STK32B: variants seen among roughly 807,000 people sequenced by gnomAD.
STK32B encodes the protein serine/threonine-protein kinase 32B.
Under a neutral mutation model 52.6 loss-of-function variants are expected in STK32B, and 43 were observed. The ratio of observed to expected loss-of-function variants is 0.82; its 90% CI spans 0.64 to 1.05. The LOEUF (loss-of-function observed/expected upper bound fraction) is 1.05. Among genes scored for constraint, STK32B ranks in the 50% least tolerant of loss-of-function variants. The probability of loss-of-function intolerance (pLI) is 0.00; values close to 1 mark genes in which losing one functional copy is unlikely to be tolerated. For synonymous variants in STK32B, 238 were observed against 204.3 expected, an observed-to-expected ratio of 1.17 and a Z score of -1.41; for missense variants, 621 against 534.6, an observed-to-expected ratio of 1.16 and a Z score of -1.59.
intron 4 of STK32B, among the ~76,000 whole-genome samples, chr4:5,350,589 A>G (rs192411262): frequency 3.9e-5 from 6 of 152,302 alleles, no homozygotes; most frequent in East Asian, 1.9e-4. Flanking sequence ...AGGATATACA[A>G]AATAACTAGA....
intron 1 of STK32B, among the ~76,000 whole-genome samples, chr4:5,136,257 G>A (rs1189788052): frequency 2.0e-5 from 3 of 152,218 alleles, no homozygotes; most frequent in Admixed American, 6.5e-5. Flanking sequence ...TTGTCTTCAT[G>A]ATGCCTGGCA....
intron 11 of STK32B, among the ~76,000 whole-genome samples, chr4:5,481,129 C>A (rs2109197944): frequency 6.6e-6 from 1 of 152,288 alleles, no homozygotes; most frequent in East Asian, 1.9e-4. Flanking sequence ...AATGTTATTT[C>A]TAGTTCTAGA....
chr4:5,370,984 A>ATATGTGTGTGTGTG lies in STK32B; in HGVS notation c.435-27222_435-27221insATGTGTGTGTGTGT, dbSNP rs1553879907. Among the ~76,000 whole-genome samples, 843 of 145,304 alleles carry ATATGTGTGTGTGTG rather than the reference A, an allele frequency of 5.8e-3. 3 individuals carry two copies. The highest frequency in any genetic ancestry group is 0.01 in the Non-Finnish European group (671 of 66,866). ...CAAGACACTATCTAAATATATATAT[A>ATATGTGTGTGTGTG]TGTGTGTGTGTGTATATATATATAT... On this transcript the variant is annotated intron_variant, in intron 4 of 11. Transcript: ENST00000282908.
At chr4:5,294,553 C>T (rs542278558) in intron 3 of STK32B, among the ~76,000 whole-genome samples, 36 of 152,196 alleles carry the variant, frequency 2.4e-4, no homozygotes, top group South Asian at 6.2e-4. Context: ...TGGGAGTTCA[C>T]TCATGATTTG....
chr4:5,286,313 G>C (rs111650210), intron 3 of STK32B, among the ~76,000 whole-genome samples: 1,682 of 152,140 alleles, frequency 0.011, 19 homozygotes, highest in African/African-American at 0.039. Flanking sequence ...GTGGAGAGTC[G>C]GATACTTTAA....
At chr4:5,486,426 C>T (rs1719210918) in intron 11 of STK32B, among the ~76,000 whole-genome samples, 1 of 152,212 alleles carries the variant, frequency 6.6e-6, no homozygotes, top group Non-Finnish European at 1.5e-5. Context: ...TTTGCTAAGA[C>T]CGTTGTAAAA....
At chr4:5,497,183 T>G (rs945459906) in intron 11 of STK32B, among the ~76,000 whole-genome samples, 2 of 152,204 alleles carry the variant, frequency 1.3e-5, no homozygotes, top group Admixed American at 6.5e-5. Flanking sequence ...TATTTGAACA[T>G]GTTAGCAGCT....
intron 3 of STK32B, among the ~76,000 whole-genome samples, chr4:5,180,995 G>GT (rs1440569228): frequency 4.6e-5 from 7 of 152,260 alleles, no homozygotes; most frequent in Admixed American, 2.0e-4. Flanking sequence ...ACCCCAGAGA[G>GT]TGAGGGTGTC....
intron 1 of STK32B, among the ~76,000 whole-genome samples, chr4:5,055,282 A>T (rs553287753): frequency 3.7e-4 from 48 of 130,504 alleles, no homozygotes; most frequent in African/African-American, 1.2e-3. Flanking sequence ...TTTTTTTTTT[A>T]GAGTCAAGGT....
chr4:5,121,990 C>T (rs1208630270), intron 1 of STK32B, among the ~76,000 whole-genome samples: 1 of 152,218 alleles, frequency 6.6e-6, no homozygotes, highest in Non-Finnish European at 1.5e-5. Flanking sequence ...TCCATAGAAC[C>T]ATGCAAGAGT....
chr4:5,100,121 G>A (rs556015548), intron 1 of STK32B, among the ~76,000 whole-genome samples: 2 of 152,282 alleles, frequency 1.3e-5, no homozygotes, highest in East Asian at 1.9e-4. Flanking sequence ...AGAAGTGATA[G>A]AGCCAGCACA....
intron 3 of STK32B, among the ~76,000 whole-genome samples, chr4:5,224,507 C>A (rs1723740734): frequency 6.6e-6 from 1 of 152,178 alleles, no homozygotes; most frequent in Non-Finnish European, 1.5e-5. Flanking sequence ...CTCACTGTCC[C>A]CAAGCTCCCC....
chr4:5,419,639 C>A (rs1365253482), intron 6 of STK32B, among the ~76,000 whole-genome samples: 1 of 152,218 alleles, frequency 6.6e-6, no homozygotes, highest in East Asian at 1.9e-4. Flanking sequence ...CTCTTGGTTT[C>A]TTTCCGTGTA....
At chr4:5,494,757 T>C (rs1271250830) in intron 11 of STK32B, among the ~76,000 whole-genome samples, 1 of 152,234 alleles carries the variant, frequency 6.6e-6, no homozygotes, top group Non-Finnish European at 1.5e-5. Flanking sequence ...AGGAGCTCTT[T>C]TAGGGCAGGC....
chr4:5,309,472 C>G (rs528938675), intron 3 of STK32B, among the ~76,000 whole-genome samples: 2 of 152,250 alleles, frequency 1.3e-5, no homozygotes, highest in South Asian at 4.2e-4. Flanking sequence ...TATCACACTA[C>G]CAGACTTCAA....
chr4:5,085,966 A>G (rs918521439), intron 1 of STK32B, among the ~76,000 whole-genome samples: 4 of 151,802 alleles, frequency 2.6e-5, no homozygotes, highest in East Asian at 3.9e-4. Flanking sequence ...GCTTTTCTTT[A>G]TTTTACTCAA....
chr4:5,363,269 G>A (rs1208517362), intron 4 of STK32B, among the ~76,000 whole-genome samples: 1 of 152,198 alleles, frequency 6.6e-6, no homozygotes, highest in Non-Finnish European at 1.5e-5. Flanking sequence ...AAAGGGTCTT[G>A]CATCATTTAA....
At chr4:5,022,640 G>A in the STK32B span, among the ~76,000 whole-genome samples, 12 of 152,132 alleles carry the variant, frequency 7.9e-5, no homozygotes, top group Non-Finnish European at 1.2e-4. Context: ...GTCTTACATC[G>A]GGCACGGACC....
At chr4:5,098,692 G>A (rs183315706) in intron 1 of STK32B, among the ~76,000 whole-genome samples, 31 of 152,300 alleles carry the variant, frequency 2.0e-4, no homozygotes, top group African/African-American at 7.0e-4. Flanking sequence ...TCCAGTTTCT[G>A]AAACCAAAAA....
Sources: allele counts gnomAD v4.1 joint callset (sites outside exome capture counted in the v4.1 genomes callset), GRCh38; gene constraint gnomAD v4.1.1; transcripts MANE v1.5; gene names NCBI Gene and HGNC (gene_info 2026-07-23, HGNC 2026-07-21).